OPCML: variants seen among roughly 807,000 people sequenced by gnomAD.
OPCML encodes opioid-binding protein/cell adhesion molecule.
Under a neutral mutation model 37.8 loss-of-function variants are expected in OPCML, and 13 were observed. That is an observed-to-expected ratio of 0.34 (90% CI 0.22 to 0.55). The LOEUF is 0.55. Ranked by LOEUF, OPCML falls within the 20% of genes least tolerant of loss-of-function variation. The pLI is 0.91. For synonymous variants in OPCML, 176 were observed against 168.8 expected, an observed-to-expected ratio of 1.04 and a Z score of -0.33; for missense variants, 341 against 435.6, an observed-to-expected ratio of 0.78 and a Z score of 1.93.
chr11:133,308,527 C>T (rs1400082618), intron 1 of OPCML, among the ~76,000 whole-genome samples: 1 of 152,006 alleles, frequency 6.6e-6, no homozygotes, highest in Admixed American at 6.6e-5. Flanking sequence ...TAAAAATATA[C>T]TGCAGATATA....
chr11:133,293,896 AC>A (rs369049899), intron 1 of OPCML, among the ~76,000 whole-genome samples: 121,278 of 142,764 alleles, frequency 0.85, 51,417 homozygotes, highest in East Asian at 0.97. Flanking sequence ...AAAAGACTTC[AC>A]ACACACACAC....
chr11:132,989,800 A>G (rs2136814801), intron 1 of OPCML, among the ~76,000 whole-genome samples: 1 of 152,354 alleles, frequency 6.6e-6, no homozygotes. Flanking sequence ...TTTAAAAAAT[A>G]AAAACATTTG....
intron 1 of OPCML, among the ~76,000 whole-genome samples, chr11:133,260,079 C>T (rs1314419220): frequency 6.6e-6 from 1 of 151,550 alleles, no homozygotes; most frequent in South Asian, 2.1e-4. Context: ...ATAGGTGGAT[C>T]AGCAATGACC....
intron 1 of OPCML, among the ~76,000 whole-genome samples, chr11:133,194,119 T>C (rs1555112462): frequency 6.6e-6 from 1 of 151,956 alleles, no homozygotes; most frequent in Non-Finnish European, 1.5e-5. Context: ...TTGATGTAAC[T>C]GTCTAAGTCT....
chr11:132,499,255 A>C (rs1398623442), intron 4 of OPCML, among the ~76,000 whole-genome samples: 6 of 152,238 alleles, frequency 3.9e-5, no homozygotes, highest in Non-Finnish European at 7.3e-5. Context: ...TGCAAAGAGC[A>C]GAGGAGCAGT....
intron 1 of OPCML, among the ~76,000 whole-genome samples, chr11:133,346,967 C>T (rs1025709959): frequency 6.6e-6 from 1 of 152,124 alleles, no homozygotes; most frequent in Non-Finnish European, 1.5e-5. Flanking sequence ...TCCCAATAGC[C>T]TTCAAAAAGG....
intron 1 of OPCML, among the ~76,000 whole-genome samples, chr11:133,317,008 G>T (rs540488892): frequency 4.7e-4 from 71 of 152,202 alleles, no homozygotes; most frequent in Non-Finnish European, 5.9e-5. Context: ...GAGCAGCCTG[G>T]CCAACATGGT....
chr11:132,423,313 G>C (rs1238149242), intron 7 of OPCML, among the ~76,000 whole-genome samples: 3 of 152,188 alleles, frequency 2.0e-5, no homozygotes, highest in Non-Finnish European at 4.4e-5. Flanking sequence ...AAGTGCCTTT[G>C]GTCAATTGGT....
In OPCML at chr11:132,766,002, C is replaced by G. The variant is rs958721381; in HGVS notation, c.147-108683G>C. On this transcript the variant is annotated intron_variant, in intron 2 of 7. Transcript: ENST00000524381. ...CAGGGCCAGCTTGATGGGACACTAT[C>G]TGGCCAAATCTAGGACAAATGAAAT... Among the ~76,000 whole-genome samples the G allele has an allele frequency of 3.3e-5, 5 of 152,082 alleles. No individual in the cohort carries two copies. In the East Asian group the frequency reaches 9.7e-4, roughly 29 times the overall value.
At chr11:133,107,752 T>C (rs576251018) in intron 1 of OPCML, among the ~76,000 whole-genome samples, 4 of 152,386 alleles carry the variant, frequency 2.6e-5, no homozygotes, top group Non-Finnish European at 4.4e-5. Flanking sequence ...GAAAAGATAC[T>C]ATTACAGCAG....
At chr11:133,194,144 C>T (rs976756751) in intron 1 of OPCML, among the ~76,000 whole-genome samples, 1 of 151,998 alleles carries the variant, frequency 6.6e-6, no homozygotes, top group Non-Finnish European at 1.5e-5. Flanking sequence ...AAACCTGACT[C>T]CCTCCACTCA....
At chr11:133,494,224 G>A (rs902361595) in intron 1 of OPCML, among the ~76,000 whole-genome samples, 5 of 152,068 alleles carry the variant, frequency 3.3e-5, no homozygotes, top group Non-Finnish European at 7.3e-5. Context: ...GGAAACAACA[G>A]GTGCTGGACA....
intron 1 of OPCML, among the ~76,000 whole-genome samples, chr11:133,265,257 A>T (rs1772077987): frequency 6.6e-6 from 1 of 152,154 alleles, no homozygotes. Flanking sequence ...GTGGGGTGGG[A>T]TGGTGAATCA....
At chr11:133,381,364 G>A (rs564482226) in intron 1 of OPCML, among the ~76,000 whole-genome samples, 8 of 152,306 alleles carry the variant, frequency 5.3e-5, no homozygotes, top group South Asian at 4.2e-4. Context: ...TCTGTAGCAC[G>A]GGATCAAATA....
intron 1 of OPCML, among the ~76,000 whole-genome samples, chr11:132,973,817 C>G (rs1442453621): frequency 2.0e-5 from 3 of 152,160 alleles, no homozygotes; most frequent in Non-Finnish European, 1.5e-5. Context: ...CCTTTGCTCT[C>G]GGCAGATGAT....
At chr11:133,334,666 A>G (rs1327091501) in intron 1 of OPCML, among the ~76,000 whole-genome samples, 1 of 152,230 alleles carries the variant, frequency 6.6e-6, no homozygotes, top group Non-Finnish European at 1.5e-5. Flanking sequence ...TTAAAAGGAA[A>G]AAACACTTTA....
chr11:133,528,601 G>T (rs1948537413), intron 1 of OPCML, among the ~76,000 whole-genome samples: 1 of 152,164 alleles, frequency 6.6e-6, no homozygotes, highest in Admixed American at 6.5e-5. Context: ...CAAGATTTGG[G>T]GACTTCCCTG....
intron 1 of OPCML, chr11:133,297,381 T>C (rs1424711258): frequency 4.6e-5 from 7 of 152,216 alleles, no homozygotes; most frequent in Admixed American, 4.6e-4. Context: ...TGGAACTTTG[T>C]TGCAAAGGCC....
At chr11:132,956,488 T>C (rs941188941) in intron 1 of OPCML, among the ~76,000 whole-genome samples, 1 of 152,182 alleles carries the variant, frequency 6.6e-6, no homozygotes, top group Admixed American at 6.5e-5. Context: ...TGCTCTTGTG[T>C]TCTGGGCATG....
Sources: allele counts gnomAD v4.1 joint callset (sites outside exome capture counted in the v4.1 genomes callset), GRCh38; gene constraint gnomAD v4.1.1; transcripts MANE v1.5; gene names NCBI Gene and HGNC (gene_info 2026-07-23, HGNC 2026-07-21).